The following KLHL13 variants were observed in gnomAD, a reference collection of about 807,000 sequenced individuals.
KLHL13 encodes the protein kelch-like protein 13.
A neutral mutation model predicts 37.1 loss-of-function variants in KLHL13; 10 were observed. The ratio of observed to expected loss-of-function variants is 0.27; its 90% CI spans 0.17 to 0.46. KLHL13 has a LOEUF of 0.46. Ranked by LOEUF, KLHL13 falls within the 20% of genes least tolerant of loss-of-function variation. The probability of loss-of-function intolerance (pLI) is 1.00; values close to 1 mark genes in which losing one functional copy is unlikely to be tolerated. For synonymous variants in KLHL13, 163 were observed against 181.2 expected (o/e 0.90, Z 0.81); for missense variants, 360 against 509.3 (o/e 0.71, Z 2.82).
intron 1 of KLHL13, chrX:117,947,644 T>G (rs1933385525): frequency 1.8e-5 from 2 of 112,414 alleles, no homozygotes; most frequent in African/African-American, 3.2e-5. Context: ...AATTAATTAC[T>G]TCAAAAGCTG....
chrX:117,929,989 T>C (rs1932318718), intron 2 of KLHL13, among the ~76,000 whole-genome samples: 1 of 107,622 alleles, frequency 9.3e-6, no homozygotes, highest in African/African-American at 3.4e-5. Context: ...TTAAAATAAA[T>C]TTTTAGCAAG....
At chrX:117,949,256 T>C (rs887688489) in intron 1 of KLHL13, among the ~76,000 whole-genome samples, 6 of 112,215 alleles carry the variant, frequency 5.3e-5, no homozygotes, top group Non-Finnish European at 9.4e-5. Context: ...ACTGTCTGCA[T>C]AGAATTGTTC....
In KLHL13 at chrX:117,995,356, A is replaced by G. The variant is rs192061443; in HGVS notation, c.-55-49781T>C. 5.6e-4 allele frequency among the ~76,000 whole-genome samples: 63 copies of G among 112,232 alleles called. No homozygotes were observed. In the East Asian group the frequency reaches 0.017, roughly 30 times the overall value. On this transcript the variant is annotated intron_variant, in intron 1 of 6. Coordinates refer to the KLHL13 transcript ENST00000371882. Reference sequence around the variant, plus strand: ...CATCCTATTCCCCATAAAATGTCACACATACCACACTACTGGGTAAGTCTT... The same window carrying G: ...CATCCTATTCCCCATAAAATGTCACGCATACCACACTACTGGGTAAGTCTT...
intron 1 of KLHL13, among the ~76,000 whole-genome samples, chrX:117,962,210 C>CAA (rs113774341): frequency 0.062 from 5,132 of 82,152 alleles, 443 homozygotes; most frequent in African/African-American, 0.21. Flanking sequence ...ATCCCCATCT[C>CAA]AAAAAAAAAA....
chrX:118,019,336 GTTGT>G (rs1356171581), intron 1 of KLHL13, among the ~76,000 whole-genome samples: 4 of 110,984 alleles, frequency 3.6e-5, no homozygotes, highest in East Asian at 2.8e-4. Context: ...TTTTGATGGG[GTTGT>G]TTGTTTTTTT....
chrX:118,039,229 G>C (rs751912727), intron 1 of KLHL13, among the ~76,000 whole-genome samples: 13 of 112,227 alleles, frequency 1.2e-4, no homozygotes, highest in African/African-American at 4.2e-4. Flanking sequence ...AACATTCCTA[G>C]ATGTGTTAGC....
At chrX:118,071,979 C>T (rs1317968236) in intron 1 of KLHL13, among the ~76,000 whole-genome samples, 2 of 111,036 alleles carry the variant, frequency 1.8e-5, no homozygotes, top group Non-Finnish European at 3.8e-5. Flanking sequence ...GAAAAAACTA[C>T]TTTAAAGTTC....
upstream of KLHL13, among the ~76,000 whole-genome samples, chrX:117,976,873 T>C (rs1251144112): frequency 8.9e-6 from 1 of 112,221 alleles, no homozygotes; most frequent in African/African-American, 3.2e-5. Flanking sequence ...ACTCTTAGAA[T>C]GTAAAAGGAG....
At position 117,898,802 on chromosome X, in the gene KLHL13, T is replaced by C. The variant is rs763144358; in HGVS notation, c.*106A>G. The C allele has an allele frequency of 3.9e-5, 34 of 862,913 alleles. No homozygotes were observed. The East Asian group carries it at 9.8e-4, about 25-fold the overall frequency. 71.1% of individuals were successfully genotyped at this position (862,913 alleles called of 1,213,427 possible). A position where few individuals can be genotyped will look rare whatever the true frequency, so the allele number is the denominator to read the frequency against. ...TCTTTTTTCCAATATCTGTATCAAT[T>C]ACCAGAGGGTAATCCTAACATATAT... is the stretch of plus-strand genomic sequence containing the variant. On this transcript the variant is annotated 3_prime_UTR_variant, in exon 7 of 7. Transcript: ENST00000262820.
At chrX:118,033,342 G>C (rs1411954449) in intron 1 of KLHL13, among the ~76,000 whole-genome samples, 2 of 111,374 alleles carry the variant, frequency 1.8e-5, no homozygotes, top group South Asian at 7.8e-4. Flanking sequence ...CAGCCAGAGA[G>C]AAAGGTCGGG....
intron 4 of KLHL13, among the ~76,000 whole-genome samples, chrX:117,910,404 TCCCACC>T (rs1173895804): frequency 9.8e-6 from 1 of 102,069 alleles, no homozygotes; most frequent in Non-Finnish European, 2.0e-5. Context: ...CAAAAATGTA[TCCCACC>T]CCCACCCCCA....
chrX:118,052,026 C>T (rs1489816458), intron 1 of KLHL13, among the ~76,000 whole-genome samples: 2 of 110,500 alleles, frequency 1.8e-5, no homozygotes, highest in African/African-American at 6.6e-5. Context: ...TGAACAGAGT[C>T]GAATCTAAAA....
At position 118,032,034 on chromosome X, in the gene KLHL13, G is replaced by A. The variant is rs763673797; in HGVS notation, c.-56+84474C>T. ...CACCCGAATACTGCGCTTTTCCGAC[G>A]GGCTTAAAAAACAGCGCACCAGGAG... On this transcript the variant is annotated intron_variant, in intron 1 of 6. Coordinates refer to the KLHL13 transcript ENST00000371882. 1.1e-4 allele frequency among the ~76,000 whole-genome samples: 12 copies of A among 111,382 alleles called. No homozygotes were observed. The East Asian group carries it at 1.1e-3, about 11-fold the overall frequency.
At chrX:117,998,603 A>C (rs2053883986) in intron 1 of KLHL13, among the ~76,000 whole-genome samples, 1 of 111,681 alleles carries the variant, frequency 9.0e-6, no homozygotes, top group African/African-American at 3.3e-5. Context: ...TGGAGAGGGC[A>C]CAGCCACAGC....
chrX:117,967,187 T>C (rs1022774258), intron 1 of KLHL13, among the ~76,000 whole-genome samples: 8 of 111,476 alleles, frequency 7.2e-5, no homozygotes, highest in African/African-American at 2.6e-4. Flanking sequence ...TATCCAGAAC[T>C]GAGCATTTTC....
intron 1 of KLHL13, among the ~76,000 whole-genome samples, chrX:118,081,939 A>AC (rs2054998680): frequency 2.2e-5 from 2 of 90,157 alleles, no homozygotes; most frequent in East Asian, 6.6e-4. Context: ...ATAGTATTCC[A>AC]TTGTGTGTGT....
intron 1 of KLHL13, among the ~76,000 whole-genome samples, chrX:118,026,836 A>C (rs1451492429): frequency 8.9e-6 from 1 of 112,055 alleles, no homozygotes; most frequent in African/African-American, 3.2e-5. Context: ...ATGGCTACCA[A>C]AACAATTACA....
chrX:118,042,919 GAA>G (rs376795223), intron 1 of KLHL13, among the ~76,000 whole-genome samples: 1 of 98,348 alleles, frequency 1.0e-5, no homozygotes, highest in Non-Finnish European at 2.1e-5. Flanking sequence ...ACATTGAAAT[GAA>G]AAAAAAAAAT....
chrX:118,012,400 G>T (rs1349432939), intron 1 of KLHL13, among the ~76,000 whole-genome samples: 1 of 110,107 alleles, frequency 9.1e-6, no homozygotes, highest in African/African-American at 3.3e-5. Context: ...TTTTTCCCCA[G>T]ATTCTAGAGG....
Sources: allele counts gnomAD v4.1 joint callset (sites outside exome capture counted in the v4.1 genomes callset), GRCh38; gene constraint gnomAD v4.1.1; transcripts MANE v1.5; gene names NCBI Gene and HGNC (gene_info 2026-07-23, HGNC 2026-07-21).